OLA1: variants seen among roughly 807,000 people sequenced by gnomAD.
The protein encoded by OLA1 is Obg like ATPase 1, also known as obg-like ATPase 1.
In OLA1, 14 loss-of-function variants were observed where a neutral mutation model predicts 48.4. The ratio of observed to expected loss-of-function variants is 0.29; its 90% confidence interval spans 0.19 to 0.45. OLA1 has a LOEUF of 0.45. Among genes scored for constraint, OLA1 ranks in the 20% least tolerant of loss-of-function variants. The probability of loss-of-function intolerance (pLI) is 1.00; values close to 1 mark genes in which losing one functional copy is unlikely to be tolerated. For missense variants in OLA1, 325 were observed against 467.1 expected (o/e 0.70, Z 2.80); for synonymous variants, 127 against 150.4 (o/e 0.84, Z 1.14).
intron 3 of OLA1, among the ~76,000 whole-genome samples, chr2:174,225,057 G>A (rs1048903620): frequency 1.3e-5 from 2 of 152,194 alleles, no homozygotes; most frequent in African/African-American, 4.8e-5. Context: ...GGTGGGGCCT[G>A]GTGGGAGGCG....
intron 7 of OLA1, among the ~76,000 whole-genome samples, chr2:174,090,042 A>T (rs749244677): frequency 2.5e-4 from 38 of 152,188 alleles, no homozygotes; most frequent in Non-Finnish European, 4.0e-4. Flanking sequence ...GGACTGTGAA[A>T]TCTAAATTTA....
intron 4 of OLA1, among the ~76,000 whole-genome samples, chr2:174,189,536 TCTCA>T (rs1302795565): frequency 2.3e-4 from 35 of 152,204 alleles, no homozygotes; most frequent in African/African-American, 8.4e-4. Flanking sequence ...AGATGTTCGG[TCTCA>T]CTCACTCATA....
At chr2:174,237,532 G>A (rs1341830896) in intron 2 of OLA1, among the ~76,000 whole-genome samples, 1 of 152,150 alleles carries the variant, frequency 6.6e-6, no homozygotes, top group Non-Finnish European at 1.5e-5. Flanking sequence ...GAGATCGCTT[G>A]AAGCCAGGAG....
At chr2:174,182,547 TA>T (rs1420162207) in intron 4 of OLA1, among the ~76,000 whole-genome samples, 1 of 151,874 alleles carries the variant, frequency 6.6e-6, no homozygotes, top group Non-Finnish European at 1.5e-5. Context: ...AAAATAAAAA[TA>T]AAAATGAAAT....
At chr2:174,128,690 T>C (rs1261629875) in intron 5 of OLA1, among the ~76,000 whole-genome samples, 2 of 150,520 alleles carry the variant, frequency 1.3e-5, no homozygotes, top group Admixed American at 6.6e-5. Flanking sequence ...TGAGCCGAGA[T>C]TGCACCACTG....
At chr2:174,132,493 G>A (rs2105373744) in intron 5 of OLA1, among the ~76,000 whole-genome samples, 1 of 152,086 alleles carries the variant, frequency 6.6e-6, no homozygotes, top group South Asian at 2.1e-4. Flanking sequence ...ATGACTAAAT[G>A]TATAGAACTT....
chr2:174,199,790 T>C (rs1204661110), intron 4 of OLA1, among the ~76,000 whole-genome samples: 1 of 152,222 alleles, frequency 6.6e-6, no homozygotes, highest in Non-Finnish European at 1.5e-5. Context: ...TAAGATACTA[T>C]TATTTGTCAA....
intron 7 of OLA1, among the ~76,000 whole-genome samples, chr2:174,089,577 T>G (rs1335361817): frequency 6.6e-6 from 1 of 152,188 alleles, no homozygotes; most frequent in African/African-American, 2.4e-5. Context: ...CAGATTCACA[T>G]TACTATGGTC....
At chr2:174,188,909 C>T (rs1687715070) in intron 4 of OLA1, among the ~76,000 whole-genome samples, 1 of 151,990 alleles carries the variant, frequency 6.6e-6, no homozygotes, top group South Asian at 2.1e-4. Context: ...ATCCAAAATC[C>T]AAAACACTTC....
At chr2:174,192,166 A>G (rs1205902281) in intron 4 of OLA1, among the ~76,000 whole-genome samples, 1 of 152,182 alleles carries the variant, frequency 6.6e-6, no homozygotes, top group Non-Finnish European at 1.5e-5. Flanking sequence ...GGTTTACAAT[A>G]TACATTTTTC....
rs1248343026 is a variant in OLA1, at chr2:174,141,989, C to G, written c.385G>C (p.Asp129His). Reference protein sequence around the residue: ...GIFHLTRAFEDDDITHVEGSV... With the variant: ...GIFHLTRAFEHDDITHVEGSV... The stretch of plus-strand genomic sequence containing the variant: ...CCTTCAACGTGCGTGATATCATCAT[C>G]TTCAAAAGCACCTAAAATGAATTAA... Residue 129 changes from aspartate (D) to histidine (H), a missense_variant, in exon 5 of 11, where the codon GAT becomes CAT. By Grantham distance (81) the Asp-to-His change is moderately conservative. Transcript: ENST00000284719. 5 of 1,613,124 alleles carry G rather than the reference C, an allele frequency of 3.1e-6. No homozygotes were observed. Among genetic ancestry groups the G allele is most frequent in the Non-Finnish European group, 4.2e-6 (5 of 1,179,642 alleles).
intron 4 of OLA1, among the ~76,000 whole-genome samples, chr2:174,180,725 G>T (rs1427194768): frequency 6.6e-6 from 1 of 152,108 alleles, no homozygotes; most frequent in Non-Finnish European, 1.5e-5. Flanking sequence ...AAGTTACACT[G>T]GAAATACTGC....
chr2:174,247,705 C>T lies in OLA1; in HGVS notation c.-1+747G>A, dbSNP rs764520314. 37 of 1,551,064 alleles carry T rather than the reference C, an allele frequency of 2.4e-5. No individual in the cohort carries two copies. In the Admixed American group the frequency reaches 3.1e-4, roughly 13 times the overall value. On this transcript the variant is annotated intron_variant, in intron 1 of 10. Coordinates refer to ENST00000284719, the MANE Select transcript of OLA1 (RefSeq NM_013341.5). ...GGTCCTTCCACCAAGTCCCTCCCAC[C>T]TTTGGCACTGAAGGTACGGCTCATC...
intron 7 of OLA1, among the ~76,000 whole-genome samples, chr2:174,088,740 G>A (rs1685038296): frequency 6.6e-6 from 1 of 152,264 alleles, no homozygotes; most frequent in East Asian, 1.9e-4. Flanking sequence ...GCCGGGCTTG[G>A]TGGTTCATGC....
intron 4 of OLA1, among the ~76,000 whole-genome samples, chr2:174,187,309 A>G (rs1687678258): frequency 6.6e-6 from 1 of 152,224 alleles, no homozygotes; most frequent in African/African-American, 2.4e-5. Flanking sequence ...TGCCCCAGAA[A>G]GATACTGACT....
At chr2:174,169,651 C>T (rs1440784630) in intron 4 of OLA1, among the ~76,000 whole-genome samples, 3 of 152,148 alleles carry the variant, frequency 2.0e-5, no homozygotes, top group Non-Finnish European at 4.4e-5. Context: ...CAGCCCTGCG[C>T]TATAATTAAT....
intron 4 of OLA1, among the ~76,000 whole-genome samples, chr2:174,171,736 C>T (rs1239603553): frequency 2.0e-5 from 3 of 152,218 alleles, no homozygotes; most frequent in Non-Finnish European, 4.4e-5. Context: ...ACCAAACAGG[C>T]GTTTGATGGG....
At chr2:174,238,288 G>A (rs572598216) in intron 2 of OLA1, among the ~76,000 whole-genome samples, 1 of 152,208 alleles carries the variant, frequency 6.6e-6, no homozygotes, top group African/African-American at 2.4e-5. Flanking sequence ...CTGAGGTCAG[G>A]AGTTTGAGAC....
intron 4 of OLA1, among the ~76,000 whole-genome samples, chr2:174,164,794 T>G (rs1347861958): frequency 6.6e-6 from 1 of 152,200 alleles, no homozygotes; most frequent in African/African-American, 2.4e-5. Context: ...CAGGTAAGAT[T>G]ATTTTATCTG....
Sources: allele counts gnomAD v4.1 joint callset (sites outside exome capture counted in the v4.1 genomes callset), GRCh38; gene constraint gnomAD v4.1.1; transcripts MANE v1.5; gene names NCBI Gene and HGNC (gene_info 2026-07-23, HGNC 2026-07-21).